Variants in DPP10 observed in about 807,000 individuals in gnomAD.
DPP10 encodes dipeptidyl peptidase like 10.
Under a neutral mutation model 120.9 loss-of-function variants are expected in DPP10, and 33 were observed. The observed-to-expected ratio is 0.27, with a 90% CI of 0.21 to 0.37. The LOEUF (loss-of-function observed/expected upper bound fraction) is 0.37, where lower values mean the gene tolerates loss of function less well. DPP10 is among the 10% of genes least tolerant of loss of function. The pLI, the probability that DPP10 is intolerant of heterozygous loss-of-function variation, is 1.00. For missense variants in DPP10, 816 were observed against 942.8 expected (o/e 0.87, Z 1.76); for synonymous variants, 337 against 326.1 (o/e 1.03, Z -0.36).
intron 1 of DPP10, among the ~76,000 whole-genome samples, chr2:114,793,749 AT>A (rs1252299288): frequency 6.6e-6 from 1 of 152,150 alleles, no homozygotes; most frequent in Non-Finnish European, 1.5e-5. Flanking sequence ...AATACCCTTG[AT>A]GCATGCGGAG....
chr2:115,104,958 A>T (rs2048876264), intron 1 of DPP10, among the ~76,000 whole-genome samples: 1 of 151,906 alleles, frequency 6.6e-6, no homozygotes, highest in African/African-American at 2.4e-5. Flanking sequence ...GTGAGCCAAG[A>T]TGGTGCCACT....
intron 5 of DPP10, among the ~76,000 whole-genome samples, chr2:115,564,930 G>A (rs1001060752): frequency 2.6e-5 from 4 of 152,118 alleles, no homozygotes; most frequent in Non-Finnish European, 1.5e-5. Context: ...GGCCTTTGAT[G>A]CTTGATGTTC....
chr2:115,684,768 A>G (rs1206282485), intron 5 of DPP10, among the ~76,000 whole-genome samples: 1 of 151,860 alleles, frequency 6.6e-6, no homozygotes, highest in African/African-American at 2.4e-5. Flanking sequence ...GTAATAACTG[A>G]TATTCCAAGA....
intron 1 of DPP10, among the ~76,000 whole-genome samples, chr2:115,023,403 A>G (rs1311890991): frequency 6.6e-6 from 1 of 152,194 alleles, no homozygotes; most frequent in Non-Finnish European, 1.5e-5. Context: ...GCTCAATATC[A>G]CTAATCATCA....
intron 1 of DPP10, among the ~76,000 whole-genome samples, chr2:115,026,231 A>T (rs1703451501): frequency 1.3e-5 from 2 of 151,908 alleles, no homozygotes; most frequent in Non-Finnish European, 2.9e-5. Flanking sequence ...ATCTAATTCC[A>T]TTTTTCTGCT....
intron 1 of DPP10, among the ~76,000 whole-genome samples, chr2:114,501,134 A>G (rs1427498347): frequency 6.6e-6 from 1 of 152,222 alleles, no homozygotes; most frequent in Non-Finnish European, 1.5e-5. Flanking sequence ...TGGTTCCCAG[A>G]TATAGAAAAA....
At chr2:114,913,241 G>A (rs961224126) in intron 1 of DPP10, among the ~76,000 whole-genome samples, 2 of 152,154 alleles carry the variant, frequency 1.3e-5, no homozygotes, top group African/African-American at 4.8e-5. Flanking sequence ...CCATCGGCGT[G>A]CACTCGCCTG....
At chr2:115,431,234 AG>A (rs1287705382) in intron 3 of DPP10, among the ~76,000 whole-genome samples, 1 of 152,192 alleles carries the variant, frequency 6.6e-6, no homozygotes, top group East Asian at 1.9e-4. Context: ...AGGCTTTTTG[AG>A]AGTCTGGAGG....
intron 1 of DPP10, among the ~76,000 whole-genome samples, chr2:115,287,573 C>T (rs923235011): frequency 4.6e-5 from 7 of 152,098 alleles, no homozygotes; most frequent in African/African-American, 1.7e-4. Context: ...AGTTACTTCA[C>T]TTAGGATAAT....
intron 5 of DPP10, among the ~76,000 whole-genome samples, chr2:115,539,517 G>C (rs915916697): frequency 6.6e-6 from 1 of 151,900 alleles, no homozygotes; most frequent in African/African-American, 2.4e-5. Context: ...CCATGGGTGA[G>C]TTATGTTGAA....
At chr2:115,288,029 A>G (rs906469281) in intron 1 of DPP10, among the ~76,000 whole-genome samples, 4 of 152,066 alleles carry the variant, frequency 2.6e-5, no homozygotes, top group Non-Finnish European at 4.4e-5. Flanking sequence ...CTTTGGGTAG[A>G]TATTTGGTAG....
chr2:114,957,479 A>C (rs1464571020), intron 1 of DPP10, among the ~76,000 whole-genome samples: 8 of 152,182 alleles, frequency 5.3e-5, no homozygotes, highest in South Asian at 2.1e-4. Context: ...AAGAAGGGGA[A>C]ACTTTGTTGT....
intron 1 of DPP10, among the ~76,000 whole-genome samples, chr2:114,766,657 T>C (rs1358993070): frequency 6.6e-6 from 1 of 152,198 alleles, no homozygotes; most frequent in East Asian, 1.9e-4. Context: ...GCTTTACACT[T>C]AGTGAAAAAG....
At chr2:114,753,771 TG>T (rs1403944280) in intron 1 of DPP10, among the ~76,000 whole-genome samples, 3 of 150,468 alleles carry the variant, frequency 2.0e-5, no homozygotes, top group African/African-American at 7.3e-5. Context: ...TAGCCAGGCG[TG>T]GTGGCGGGCG....
chr2:114,714,515 G>T (rs1701232450), intron 1 of DPP10, among the ~76,000 whole-genome samples: 1 of 152,064 alleles, frequency 6.6e-6, no homozygotes, highest in African/African-American at 2.4e-5. Context: ...CACACTGATG[G>T]CTCTAAACGG....
At chr2:114,966,574 T>C (rs1292692943) in intron 1 of DPP10, among the ~76,000 whole-genome samples, 1 of 152,220 alleles carries the variant, frequency 6.6e-6, no homozygotes, top group Non-Finnish European at 1.5e-5. Flanking sequence ...ATTAGATTCA[T>C]GAACCAAATA....
chr2:115,128,093 A>G (rs551863662), intron 1 of DPP10, among the ~76,000 whole-genome samples: 2 of 152,216 alleles, frequency 1.3e-5, no homozygotes, highest in Non-Finnish European at 2.9e-5. Context: ...CAATTAATGC[A>G]TACTTCAATC....
chr2:114,628,899 C>A (rs537357686), intron 1 of DPP10, among the ~76,000 whole-genome samples: 1 of 152,178 alleles, frequency 6.6e-6, no homozygotes, highest in Non-Finnish European at 1.5e-5. Flanking sequence ...AGGTGGAGGT[C>A]TTCTTATTTC....
At chr2:114,578,617 A>T (rs1690246370) in intron 1 of DPP10, among the ~76,000 whole-genome samples, 1 of 152,172 alleles carries the variant, frequency 6.6e-6, no homozygotes, top group Non-Finnish European at 1.5e-5. Flanking sequence ...CGACAGAAGG[A>T]ACTTAAACTG....
Sources: allele counts gnomAD v4.1 joint callset (sites outside exome capture counted in the v4.1 genomes callset), GRCh38; gene constraint gnomAD v4.1.1; transcripts MANE v1.5; gene names NCBI Gene and HGNC (gene_info 2026-07-23, HGNC 2026-07-21).